Variants in TOPAZ1 observed in about 807,000 individuals in gnomAD.
TOPAZ1 encodes the protein protein TOPAZ1.
TOPAZ1 carries 66 observed loss-of-function variants against 172.2 expected under a neutral mutation model. That is an observed-to-expected ratio of 0.38 (90% CI 0.31 to 0.47). The LOEUF (loss-of-function observed/expected upper bound fraction) is 0.47. Ranked by LOEUF, TOPAZ1 falls within the 20% of genes least tolerant of loss-of-function variation. The pLI, the probability that TOPAZ1 is intolerant of heterozygous loss-of-function variation, is 0.99. For missense variants in TOPAZ1, 1,822 were observed against 1,972.4 expected, an observed-to-expected ratio of 0.92 and a Z score of 1.44; for synonymous variants, 681 against 683.9, an observed-to-expected ratio of 1.00 and a Z score of 0.07.
chr3:44,247,892 C>G (rs1045025497), intron 2 of TOPAZ1, among the ~76,000 whole-genome samples: 1 of 152,166 alleles, frequency 6.6e-6, no homozygotes, highest in Non-Finnish European at 1.5e-5. Flanking sequence ...GTCAAGTGAT[C>G]TGCCTGCCTT....
chr3:44,290,108 A>T (rs1700120251), intron 11 of TOPAZ1, among the ~76,000 whole-genome samples: 1 of 147,474 alleles, frequency 6.8e-6, no homozygotes, highest in African/African-American at 2.6e-5. Context: ...GCAACTAATA[A>T]GACTGCCAGC....
chr3:44,324,114 T>TC (rs1161804489), intron 18 of TOPAZ1, among the ~76,000 whole-genome samples: 1 of 152,162 alleles, frequency 6.6e-6, no homozygotes, highest in African/African-American at 2.4e-5. Flanking sequence ...TAACTTTTTT[T>TC]CCCCAACAAA....
rs147879296 is a variant in TOPAZ1 at position 44,261,185 on chromosome 3, C to T, written c.2956-1234C>T. Among the ~76,000 whole-genome samples the T allele has an allele frequency of 2.1e-3, 315 of 152,182 alleles. 1 individual carries two copies. Among genetic ancestry groups the T allele is most frequent in the African/African-American group, 6.4e-3 (265 of 41,536 alleles). ...TTAGCATCTTTAACTCTAGTATTCT[C>T]ATCCAGGAACATGGTAGGTCCTCGG... is the stretch of plus-strand genomic sequence containing the variant. On this transcript the variant is annotated intron_variant, in intron 4 of 19. Coordinates refer to ENST00000309765, the MANE Select transcript of TOPAZ1 (RefSeq NM_001145030.2).
At chr3:44,263,291 T>A (rs1461834518) in intron 5 of TOPAZ1, among the ~76,000 whole-genome samples, 1 of 152,078 alleles carries the variant, frequency 6.6e-6, no homozygotes, top group Non-Finnish European at 1.5e-5. Context: ...TAAGATTAAC[T>A]TTTTTTTCTG....
In TOPAZ1 at chr3:44,270,801, G is replaced by A. The variant is rs1158372857; in HGVS notation, c.3363G>A (p.Gly1121=). The A allele has an allele frequency of 3.2e-6, 5 of 1,544,406 alleles. No individual in the cohort carries two copies. Among genetic ancestry groups the A allele is most frequent in the Non-Finnish European group, 4.4e-6 (5 of 1,143,808 alleles). The change falls in exon 8 of 20, where the codon GGG becomes GGA. Residue 1121 remains glycine (G), a synonymous_variant. Coordinates refer to ENST00000309765, the MANE Select transcript of TOPAZ1 (RefSeq NM_001145030.2). ...LCKFAHVPEQ[G]DEKVCMDVFK... ...AGTTTGCTCATGTGCCTGAACAAGG[G>A]GATGAAAAGGTAAAACATATAAAGT... is the stretch of plus-strand genomic sequence containing the variant.
downstream of TOPAZ1, among the ~76,000 whole-genome samples, chr3:44,335,697 TTTG>T (rs1700716842): frequency 6.6e-6 from 1 of 152,144 alleles, no homozygotes; most frequent in African/African-American, 2.4e-5. Flanking sequence ...GCTATTCCCT[TTTG>T]TTCATGTACA....
intron 14 of TOPAZ1, 130 bp from the exon 15 acceptor site, chr3:44,306,196 A>T (rs542918551): frequency 1.8e-6 from 1 of 561,022 alleles, no homozygotes; most frequent in African/African-American, 1.9e-5. Flanking sequence ...CTCCTAGGCT[A>T]TACAAAAACG....
At chr3:44,298,215 A>G (rs895192669) in intron 12 of TOPAZ1, among the ~76,000 whole-genome samples, 8 of 152,162 alleles carry the variant, frequency 5.3e-5, no homozygotes, top group Non-Finnish European at 1.0e-4. Context: ...TGTAATCACA[A>G]TACTTTGGGA....
At chr3:44,299,712 A>G (rs1243438512) in intron 12 of TOPAZ1, among the ~76,000 whole-genome samples, 23 of 151,498 alleles carry the variant, frequency 1.5e-4, no homozygotes, top group Non-Finnish European at 3.4e-4. Flanking sequence ...CAAATGTCCA[A>G]CAATGATAGA....
chr3:44,290,987 AT>A, intron 12 of TOPAZ1, 101 bp downstream of exon 12: 1 of 704,778 alleles, frequency 1.4e-6, no homozygotes, highest in Non-Finnish European at 2.3e-6. Flanking sequence ...ATGCCCAAAC[AT>A]TTAGATAGTG....
At chr3:44,329,141 A>G (rs1204574150) in intron 19 of TOPAZ1, among the ~76,000 whole-genome samples, 1 of 152,216 alleles carries the variant, frequency 6.6e-6, no homozygotes, top group Non-Finnish European at 1.5e-5. Flanking sequence ...TACATTAGTT[A>G]TCTGTTGCTA....
intron 12 of TOPAZ1, among the ~76,000 whole-genome samples, chr3:44,294,979 T>C (rs905841014): frequency 6.6e-6 from 1 of 152,232 alleles, no homozygotes; most frequent in African/African-American, 2.4e-5. Context: ...AACTTTCACA[T>C]TTAAAGTGGG....
At chr3:44,263,379 G>A (rs1051911620) in intron 5 of TOPAZ1, among the ~76,000 whole-genome samples, 3 of 152,112 alleles carry the variant, frequency 2.0e-5, no homozygotes, top group African/African-American at 4.8e-5. Context: ...CTAGCATAGC[G>A]ATCACCAGTT....
chr3:44,281,556 T>C (rs1480726710), intron 8 of TOPAZ1, among the ~76,000 whole-genome samples: 3 of 152,228 alleles, frequency 2.0e-5, no homozygotes, highest in African/African-American at 7.2e-5. Context: ...GATTTTTGTT[T>C]ATGATATAAG....
chr3:44,263,784 G>T (rs1422200889), intron 5 of TOPAZ1, among the ~76,000 whole-genome samples: 1 of 152,024 alleles, frequency 6.6e-6, no homozygotes, highest in African/African-American at 2.4e-5. Context: ...AAAAGTAAAT[G>T]CATTTGTATT....
At chr3:44,283,190 A>G (rs1259926914) in intron 9 of TOPAZ1, among the ~76,000 whole-genome samples, 1 of 152,248 alleles carries the variant, frequency 6.6e-6, no homozygotes, top group Non-Finnish European at 1.5e-5. Flanking sequence ...CACCTGTAGC[A>G]TAAATGTAGC....
intron 2 of TOPAZ1, among the ~76,000 whole-genome samples, chr3:44,248,337 G>A (rs113304429): frequency 0.017 from 2,574 of 152,140 alleles, 76 homozygotes; most frequent in African/African-American, 0.058. Flanking sequence ...TAGCTTTTTT[G>A]TTACTATCTT....
Position 44,242,247 on chromosome 3 carries a change from G to A in TOPAZ1, c.194G>A (p.Ser65Asn), listed in dbSNP as rs778118987. ...RATPGRGEVE[S>N]DKSVAASGAG... ...ACCCCTGGGAGAGGCGAGGTGGAAA[G>A]TGATAAGTCGGTTGCAGCATCAGGG... Residue 65 changes from serine to asparagine, a missense_variant, in exon 1 of 20, where the codon AGT becomes AAT. Transcript: ENST00000309765. The A allele has an allele frequency of 1.3e-5, 20 of 1,548,284 alleles. No homozygotes were observed. The South Asian group carries it at 1.4e-4, about 11-fold the overall frequency.
intron 5 of TOPAZ1, among the ~76,000 whole-genome samples, chr3:44,265,417 C>T (rs773580886): frequency 2.0e-5 from 3 of 152,032 alleles, no homozygotes; most frequent in Non-Finnish European, 4.4e-5. Context: ...ATTAGCCAGG[C>T]GTGGTGGCGG....
Sources: allele counts gnomAD v4.1 joint callset (sites outside exome capture counted in the v4.1 genomes callset), GRCh38; gene constraint gnomAD v4.1.1; transcripts MANE v1.5; gene names NCBI Gene and HGNC (gene_info 2026-07-23, HGNC 2026-07-21).